The following CADPS variants were observed in gnomAD, a reference collection of about 807,000 sequenced individuals.
The protein encoded by CADPS is calcium dependent secretion activator.
A neutral mutation model predicts 167.3 loss-of-function variants in CADPS; 57 were observed. The observed-to-expected ratio is 0.34, with a 90% CI of 0.28 to 0.42. The LOEUF (loss-of-function observed/expected upper bound fraction) is 0.42. Ranked by LOEUF, CADPS falls within the 20% of genes least tolerant of loss-of-function variation. The pLI is 1.00. For missense variants in CADPS, 1,414 were observed against 1,738.1 expected (o/e 0.81, Z 3.32); for synonymous variants, 676 against 635.3 (o/e 1.06, Z -0.96).
intron 13 of CADPS, among the ~76,000 whole-genome samples, chr3:62,519,181 T>A (rs2069782459): frequency 6.6e-6 from 1 of 152,214 alleles, no homozygotes; most frequent in African/African-American, 2.4e-5. Flanking sequence ...AGTGACTTGT[T>A]TTGACTACTG....
intron 3 of CADPS, among the ~76,000 whole-genome samples, chr3:62,670,131 G>C (rs1035180115): frequency 2.6e-5 from 4 of 152,130 alleles, no homozygotes; most frequent in Admixed American, 1.3e-4. Flanking sequence ...AGCATCTACA[G>C]CTGCTGCACT....
chr3:62,486,227 A>T (rs2062792616), intron 21 of CADPS, among the ~76,000 whole-genome samples: 1 of 152,186 alleles, frequency 6.6e-6, no homozygotes. Flanking sequence ...CTGGTGGATC[A>T]CGAGGTCAGG....
intron 6 of CADPS, among the ~76,000 whole-genome samples, chr3:62,597,520 A>G (rs2059104600): frequency 6.6e-6 from 1 of 152,122 alleles, no homozygotes; most frequent in Non-Finnish European, 1.5e-5. Context: ...ACCCCACTGT[A>G]TGTTTCCATG....
intron 7 of CADPS, among the ~76,000 whole-genome samples, chr3:62,590,852 AT>A (rs770594114): frequency 8.1e-4 from 123 of 151,918 alleles, no homozygotes; most frequent in Middle Eastern, 3.4e-3. Flanking sequence ...TTATTTATTT[AT>A]TTTATTATTA....
intron 26 of CADPS, among the ~76,000 whole-genome samples, chr3:62,447,218 G>A (rs1366827081): frequency 6.6e-6 from 1 of 152,176 alleles, no homozygotes; most frequent in Non-Finnish European, 1.5e-5. Flanking sequence ...ACAATACTGT[G>A]TACTTTGCAG....
chr3:62,657,374 A>G (rs1288423461), intron 4 of CADPS, among the ~76,000 whole-genome samples: 2 of 152,180 alleles, frequency 1.3e-5, no homozygotes, highest in Non-Finnish European at 2.9e-5. Context: ...TTTGTCTTAA[A>G]TAATTAGCTC....
chr3:62,828,417 G>A (rs1038728214), intron 1 of CADPS, among the ~76,000 whole-genome samples: 1 of 152,110 alleles, frequency 6.6e-6, no homozygotes, highest in Non-Finnish European at 1.5e-5. Flanking sequence ...GGGCAAAAAC[G>A]TGGAACTACT....
At chr3:62,597,101 C>A (rs2059042406) in intron 6 of CADPS, among the ~76,000 whole-genome samples, 1 of 152,146 alleles carries the variant, frequency 6.6e-6, no homozygotes, top group African/African-American at 2.4e-5. Flanking sequence ...CTCCTGTAAT[C>A]CTAGTGCTTT....
At chr3:62,633,178 A>G (rs2065626645) in intron 6 of CADPS, among the ~76,000 whole-genome samples, 1 of 152,284 alleles carries the variant, frequency 6.6e-6, no homozygotes, top group African/African-American at 2.4e-5. Context: ...GACAATGGGA[A>G]TGAAAAGGAG....
chr3:62,783,147 G>C (rs2091960195), intron 1 of CADPS, among the ~76,000 whole-genome samples: 2 of 152,254 alleles, frequency 1.3e-5, no homozygotes, highest in East Asian at 3.9e-4. Context: ...AAAATGTGTG[G>C]CTTTACTCGC....
intron 3 of CADPS, among the ~76,000 whole-genome samples, chr3:62,740,091 C>G (rs866406088): frequency 1.3e-5 from 2 of 152,210 alleles, no homozygotes; most frequent in African/African-American, 2.4e-5. Context: ...TTGACCTAGA[C>G]TGAGCATGGC....
At position 62,875,262 on chromosome 3, in the gene CADPS, G is replaced by A. The variant is rs2083450078; in HGVS notation, c.-233C>T. 1 of 334,576 alleles carries A rather than the reference G, an allele frequency of 3.0e-6. No individual in the cohort carries two copies. Among genetic ancestry groups the A allele is most frequent in the Non-Finnish European group, 5.2e-6 (1 of 193,140 alleles). The allele number at this position is 334,576 out of a possible 1,614,324, so 20.7% of individuals were successfully genotyped here. A position where few individuals can be genotyped will look rare whatever the true frequency, so the allele number is the denominator to read the frequency against. Reference sequence around the variant, plus strand: ...AGGAGGGGAAGGGAGAGGTGCGTCCGTGGACTCGAGGTGGGCAAGGGGGAG... The same window carrying A: ...AGGAGGGGAAGGGAGAGGTGCGTCCATGGACTCGAGGTGGGCAAGGGGGAG... On this transcript the variant is annotated 5_prime_UTR_variant, in exon 1 of 30. In the 5' UTR this introduces an upstream ATG that the reference lacks. Transcript: ENST00000383710.
chr3:62,724,895 T>C (rs2076460304), intron 3 of CADPS, among the ~76,000 whole-genome samples: 1 of 152,248 alleles, frequency 6.6e-6, no homozygotes, highest in Admixed American at 6.5e-5. Flanking sequence ...CTTGGGGAAA[T>C]AGATGCAAAA....
chr3:62,797,655 G>A (rs304173), intron 1 of CADPS, among the ~76,000 whole-genome samples: 5,359 of 151,878 alleles, frequency 0.035, 309 homozygotes, highest in African/African-American at 0.12. Flanking sequence ...CACACAATGG[G>A]GCCTGTTGGA....
At chr3:62,714,629 G>A (rs1015336172) in intron 3 of CADPS, among the ~76,000 whole-genome samples, 1 of 152,014 alleles carries the variant, frequency 6.6e-6, no homozygotes, top group African/African-American at 2.4e-5. Flanking sequence ...CACTTAGAAG[G>A]GCAGAAAAAG....
chr3:62,726,889 G>A (rs2076844094), intron 3 of CADPS, among the ~76,000 whole-genome samples: 1 of 151,774 alleles, frequency 6.6e-6, no homozygotes, highest in Non-Finnish European at 1.5e-5. Context: ...GCATTTGGGA[G>A]TTACATGGAC....
chr3:62,570,197 G>C (rs1409153860), intron 9 of CADPS, among the ~76,000 whole-genome samples: 1 of 148,434 alleles, frequency 6.7e-6, no homozygotes, highest in Admixed American at 6.7e-5. Context: ...TGTGGAAAAA[G>C]CAACTTGCAG....
chr3:62,586,777 T>C (rs1291363966), intron 7 of CADPS, among the ~76,000 whole-genome samples: 2 of 152,222 alleles, frequency 1.3e-5, no homozygotes, highest in African/African-American at 2.4e-5. Context: ...AGTATCTGTA[T>C]ACTAACATTT....
chr3:62,523,698 A>G (rs1405825568), intron 13 of CADPS, among the ~76,000 whole-genome samples: 1 of 152,212 alleles, frequency 6.6e-6, no homozygotes, highest in East Asian at 1.9e-4. Flanking sequence ...ATTCCACAGA[A>G]GAGGAAACAG....
Sources: allele counts gnomAD v4.1 joint callset (sites outside exome capture counted in the v4.1 genomes callset), GRCh38; gene constraint gnomAD v4.1.1; transcripts MANE v1.5; gene names NCBI Gene and HGNC (gene_info 2026-07-23, HGNC 2026-07-21).